KCNN2: variants seen among roughly 807,000 people sequenced by gnomAD.
KCNN2 encodes the protein small conductance calcium-activated potassium channel protein 2.
A neutral mutation model predicts 55.5 loss-of-function variants in KCNN2; 24 were observed. The observed-to-expected ratio is 0.43, with a 90% CI of 0.31 to 0.61. The LOEUF is 0.61. Ranked by LOEUF, KCNN2 falls within the 20% of genes least tolerant of loss-of-function variation. KCNN2 has a pLI of 0.08. For synonymous variants in KCNN2, 431 were observed against 336.1 expected, an observed-to-expected ratio of 1.28 and a Z score of -3.09; for missense variants, 754 against 853.6, an observed-to-expected ratio of 0.88 and a Z score of 1.45.
intron 2 of KCNN2, among the ~76,000 whole-genome samples, chr5:114,241,928 T>G (rs1188980238): frequency 2.0e-5 from 3 of 149,116 alleles, no homozygotes; most frequent in African/African-American, 7.4e-5. Context: ...TTTTAAAGCA[T>G]GTACAGCTAT....
intron 3 of KCNN2, among the ~76,000 whole-genome samples, chr5:114,406,390 A>G (rs112193041): frequency 0.014 from 2,182 of 151,884 alleles, 56 homozygotes; most frequent in African/African-American, 0.049. Context: ...CTCCTCCCCA[A>G]AAAAGTGATT....
intron 2 of KCNN2, among the ~76,000 whole-genome samples, chr5:114,260,211 G>A (rs1237956480): frequency 6.6e-6 from 1 of 152,104 alleles, no homozygotes. Context: ...CAGCTGGAGT[G>A]ATCTTTCTGA....
At chr5:114,192,818 A>C (rs1004869765) in intron 1 of KCNN2, among the ~76,000 whole-genome samples, 6 of 152,152 alleles carry the variant, frequency 3.9e-5, no homozygotes, top group African/African-American at 1.2e-4. Flanking sequence ...ACTGAGCTAC[A>C]AAATCCTCTA....
At chr5:114,389,015 A>T (rs1024655137) in intron 2 of KCNN2, among the ~76,000 whole-genome samples, 1 of 152,086 alleles carries the variant, frequency 6.6e-6, no homozygotes, top group Middle Eastern at 3.4e-3. Flanking sequence ...GAGGTGTGCA[A>T]GAATGTTTGA....
intron 2 of KCNN2, among the ~76,000 whole-genome samples, chr5:114,242,260 C>A (rs1428560938): frequency 6.6e-6 from 1 of 151,776 alleles, no homozygotes; most frequent in Non-Finnish European, 1.5e-5. Flanking sequence ...AGTGCCTCTG[C>A]TCAGTAGACA....
chr5:114,451,147 G>T (rs1283579601), intron 3 of KCNN2, among the ~76,000 whole-genome samples: 3 of 152,164 alleles, frequency 2.0e-5, no homozygotes, highest in Non-Finnish European at 1.5e-5. Flanking sequence ...ACATGTAAAT[G>T]CATAGTGAAT....
chr5:114,424,832 A>C (rs553310827), intron 3 of KCNN2, among the ~76,000 whole-genome samples: 1 of 152,366 alleles, frequency 6.6e-6, no homozygotes, highest in East Asian at 1.9e-4. Context: ...AGGTACTTAC[A>C]ATATACACTG....
intron 2 of KCNN2, among the ~76,000 whole-genome samples, chr5:114,280,796 T>G (rs1755608121): frequency 1.3e-5 from 2 of 152,130 alleles, no homozygotes; most frequent in Admixed American, 6.6e-5. Context: ...AATTCCATGG[T>G]TCAAGCTTTC....
At position 114,473,704 on chromosome 5, in the gene KCNN2, G is replaced by C. The variant is rs1273062483; in HGVS notation, c.1890+540G>C. 2.0e-5 allele frequency among the ~76,000 whole-genome samples: 3 copies of C among 152,174 alleles called. No individual in the cohort carries two copies. The East Asian group carries it at 5.8e-4, about 29-fold the overall frequency. ...TTGGGCAATCGCTGTCCAAATATTA[G>C]CAGAAGAAAACAGTAATCACAATGT... is the stretch of plus-strand genomic sequence containing the variant. On this transcript the variant is annotated intron_variant, in intron 5 of 7. Coordinates refer to ENST00000673685, the MANE Select transcript of KCNN2 (RefSeq NM_021614.4).
At chr5:114,379,252 C>G (rs1251695418) in intron 2 of KCNN2, among the ~76,000 whole-genome samples, 1 of 152,010 alleles carries the variant, frequency 6.6e-6, no homozygotes, top group African/African-American at 2.4e-5. Context: ...TCTCCCCACA[C>G]ACTTGCAAGA....
At chr5:114,469,798 C>T (rs1761634786) in intron 4 of KCNN2, among the ~76,000 whole-genome samples, 1 of 152,148 alleles carries the variant, frequency 6.6e-6, no homozygotes, top group Non-Finnish European at 1.5e-5. Flanking sequence ...GAGCCAGCTT[C>T]ATCTTGCATA....
chr5:114,233,641 AT>A, intron 2 of KCNN2, among the ~76,000 whole-genome samples: 1 of 152,222 alleles, frequency 6.6e-6, no homozygotes, highest in Non-Finnish European at 1.5e-5. Flanking sequence ...TTTTATTCTT[AT>A]AGTGAAAAAA....
chr5:114,206,959 G>A (rs182777573), intron 1 of KCNN2, among the ~76,000 whole-genome samples: 23 of 152,152 alleles, frequency 1.5e-4, no homozygotes, highest in Admixed American at 4.6e-4. Context: ...CCTTTTCTCC[G>A]TATTTCTCAG....
At chr5:114,111,846 G>A (rs1290684511) in intron 1 of KCNN2, among the ~76,000 whole-genome samples, 13 of 152,206 alleles carry the variant, frequency 8.5e-5, no homozygotes, top group Admixed American at 8.5e-4. Flanking sequence ...TGGAGAGGAT[G>A]TGGAGAAATG....
chr5:114,069,748 T>G (rs874734), intron 1 of KCNN2, among the ~76,000 whole-genome samples: 77,692 of 151,960 alleles, frequency 0.51, 21,111 homozygotes, highest in East Asian at 0.69. Flanking sequence ...GCATCAAGCA[T>G]GGCCACCTAA....
At chr5:114,387,482 G>A (rs943225211) in intron 2 of KCNN2, among the ~76,000 whole-genome samples, 2 of 152,082 alleles carry the variant, frequency 1.3e-5, no homozygotes, top group African/African-American at 2.4e-5. Context: ...TCATAATACT[G>A]TATTCTAACT....
At chr5:114,084,278 A>T (rs1022588812) in intron 1 of KCNN2, among the ~76,000 whole-genome samples, 5 of 152,108 alleles carry the variant, frequency 3.3e-5, no homozygotes, top group African/African-American at 1.2e-4. Flanking sequence ...AGGTGGCTGT[A>T]ACATCTTGTA....
At chr5:114,263,996 C>G (rs1036505848) in intron 2 of KCNN2, among the ~76,000 whole-genome samples, 7 of 152,162 alleles carry the variant, frequency 4.6e-5, no homozygotes, top group Non-Finnish European at 7.3e-5. Context: ...TGAGAACATT[C>G]CCTACCACCC....
At chr5:114,190,258 C>A (rs1320603512) in intron 1 of KCNN2, among the ~76,000 whole-genome samples, 1 of 152,042 alleles carries the variant, frequency 6.6e-6, no homozygotes, top group Non-Finnish European at 1.5e-5. Context: ...TAGAGAAATG[C>A]TTGCATATCT....
Sources: allele counts gnomAD v4.1 joint callset (sites outside exome capture counted in the v4.1 genomes callset), GRCh38; gene constraint gnomAD v4.1.1; transcripts MANE v1.5; gene names NCBI Gene and HGNC (gene_info 2026-07-23, HGNC 2026-07-21).